CTNND2: variants seen among roughly 807,000 people sequenced by gnomAD.
CTNND2 encodes catenin delta-2.
Under a neutral mutation model 144.4 loss-of-function variants are expected in CTNND2, and 22 were observed. That is an observed-to-expected ratio of 0.15 (90% CI 0.11 to 0.22). The LOEUF (loss-of-function observed/expected upper bound fraction) is 0.22. Among genes scored for constraint, CTNND2 ranks in the 10% least tolerant of loss-of-function variants. The pLI is 1.00. For synonymous variants in CTNND2, 751 were observed against 695.6 expected, an observed-to-expected ratio of 1.08 and a Z score of -1.25; for missense variants, 1,353 against 1,618.8, an observed-to-expected ratio of 0.84 and a Z score of 2.82.
chr5:11,860,233 A>G (rs1275324429), intron 1 of CTNND2, among the ~76,000 whole-genome samples: 1 of 152,170 alleles, frequency 6.6e-6, no homozygotes, highest in Non-Finnish European at 1.5e-5. Flanking sequence ...TAGCACCCAC[A>G]TTTCCCATAC....
intron 1 of CTNND2, among the ~76,000 whole-genome samples, chr5:11,753,222 G>A (rs1788724093): frequency 6.6e-6 from 1 of 151,788 alleles, no homozygotes; most frequent in African/African-American, 2.4e-5. Context: ...TTGAATGGAA[G>A]TGGTGACAGT....
At chr5:11,626,466 T>G (rs943709706) in intron 2 of CTNND2, among the ~76,000 whole-genome samples, 3 of 152,226 alleles carry the variant, frequency 2.0e-5, no homozygotes, top group East Asian at 1.9e-4. Context: ...ACTATCATAT[T>G]AGGAATGTAC....
chr5:11,574,029 G>C (rs1777777653), intron 2 of CTNND2, among the ~76,000 whole-genome samples: 1 of 151,804 alleles, frequency 6.6e-6, no homozygotes, highest in African/African-American at 2.4e-5. Context: ...ATATTATATG[G>C]GTGACTCTAA....
At chr5:11,873,605 C>A (rs1158033082) in intron 1 of CTNND2, among the ~76,000 whole-genome samples, 1 of 152,162 alleles carries the variant, frequency 6.6e-6, no homozygotes, top group Non-Finnish European at 1.5e-5. Context: ...CCGTTCTGAA[C>A]CAATTAAGAA....
rs115364872 is a variant in CTNND2, at chr5:11,038,355, C to G, written c.2789-15376G>C. 7.9e-3 allele frequency among the ~76,000 whole-genome samples: 1,207 copies of G among 152,296 alleles called. 9 individuals carry two copies. The highest frequency in any genetic ancestry group is 0.018 in the South Asian group (88 of 4,822). On this transcript the variant is annotated intron_variant, in intron 16 of 21. Coordinates refer to ENST00000304623, the MANE Select transcript of CTNND2 (RefSeq NM_001332.4). ...TTAGATTCTTACAGGAGTGTGAGCC[C>G]TATTGTGAACAATGCATGTGAAGGA...
chr5:11,540,802 T>C (rs1774661272), intron 3 of CTNND2, among the ~76,000 whole-genome samples: 1 of 152,192 alleles, frequency 6.6e-6, no homozygotes, highest in African/African-American at 2.4e-5. Flanking sequence ...AGTTTTTTCC[T>C]ACTGGTTTAT....
intron 8 of CTNND2, among the ~76,000 whole-genome samples, chr5:11,347,054 T>G (rs773772356): frequency 4.6e-5 from 7 of 152,226 alleles, no homozygotes; most frequent in Admixed American, 1.3e-4. Context: ...ATGAATTCAG[T>G]AATGTAATTA....
At chr5:11,045,640 C>T (rs566630248) in intron 16 of CTNND2, among the ~76,000 whole-genome samples, 14 of 152,302 alleles carry the variant, frequency 9.2e-5, no homozygotes, top group African/African-American at 3.4e-4. Context: ...GTGTCATCTC[C>T]TCTTGTGTCT....
In CTNND2 at chr5:11,570,187, T is replaced by C. The variant is rs528035129; in HGVS notation, c.175-5131A>G. On this transcript the variant is annotated intron_variant, in intron 2 of 21. Transcript: ENST00000304623. Reference sequence around the variant, plus strand: ...CTTCACACAAACATATGAAATAATATGTCAACTACTGAAGAAATCTCTCCT... The same window carrying C: ...CTTCACACAAACATATGAAATAATACGTCAACTACTGAAGAAATCTCTCCT... Among the ~76,000 whole-genome samples, 6 of 152,316 alleles carry C rather than the reference T, an allele frequency of 3.9e-5. No individual in the cohort carries two copies. In the South Asian group the frequency reaches 8.3e-4, roughly 21 times the overall value.
chr5:11,506,951 T>TC (rs1262537039), intron 3 of CTNND2, among the ~76,000 whole-genome samples: 1 of 152,188 alleles, frequency 6.6e-6, no homozygotes, highest in African/African-American at 2.4e-5. Context: ...GTTTTCTACT[T>TC]CCCCCTCAAC....
chr5:11,623,635 A>T (rs1022999491), intron 2 of CTNND2, among the ~76,000 whole-genome samples: 1 of 151,828 alleles, frequency 6.6e-6, no homozygotes, highest in Non-Finnish European at 1.5e-5. Flanking sequence ...AGGATGCAGA[A>T]AAATCTTCAA....
At chr5:11,842,402 T>C (rs916350707) in intron 1 of CTNND2, among the ~76,000 whole-genome samples, 1 of 152,094 alleles carries the variant, frequency 6.6e-6, no homozygotes, top group African/African-American at 2.4e-5. Flanking sequence ...CAAATCTTGG[T>C]AGCAACATAT....
chr5:11,665,268 A>T (rs2126582473), intron 2 of CTNND2, among the ~76,000 whole-genome samples: 1 of 152,280 alleles, frequency 6.6e-6, no homozygotes, highest in Non-Finnish European at 1.5e-5. Context: ...CAGCTCCACT[A>T]CTTACCAGCT....
At chr5:11,244,166 T>C (rs976944583) in intron 9 of CTNND2, among the ~76,000 whole-genome samples, 9 of 152,272 alleles carry the variant, frequency 5.9e-5, no homozygotes, top group Admixed American at 4.6e-4. Context: ...TGGAGATATT[T>C]ACATTCTTGT....
chr5:11,688,253 A>G (rs1784746736), intron 2 of CTNND2, among the ~76,000 whole-genome samples: 2 of 152,142 alleles, frequency 1.3e-5, no homozygotes, highest in Non-Finnish European at 2.9e-5. Flanking sequence ...TGAAACCTCT[A>G]TTATGGCACA....
intron 10 of CTNND2, among the ~76,000 whole-genome samples, chr5:11,229,332 A>G (rs1251474966): frequency 6.6e-6 from 1 of 152,224 alleles, no homozygotes; most frequent in East Asian, 1.9e-4. Context: ...TAAAGTTTTA[A>G]AAAGTTAATT....
chr5:11,849,478 G>T (rs16901936), intron 1 of CTNND2, among the ~76,000 whole-genome samples: 12,474 of 152,120 alleles, frequency 0.082, 1,058 homozygotes, highest in African/African-American at 0.21. Flanking sequence ...ACATTTCCTA[G>T]TACTCCAGGT....
At chr5:11,851,784 G>T (rs187237100) in intron 1 of CTNND2, among the ~76,000 whole-genome samples, 1 of 152,174 alleles carries the variant, frequency 6.6e-6, no homozygotes, top group Non-Finnish European at 1.5e-5. Flanking sequence ...GGTACTGATG[G>T]TAAAAGTAAA....
intron 2 of CTNND2, among the ~76,000 whole-genome samples, chr5:11,713,780 G>C (rs1044524529): frequency 1.3e-5 from 2 of 151,924 alleles, no homozygotes; most frequent in Non-Finnish European, 2.9e-5. Flanking sequence ...AAATTTCTTA[G>C]GGTACAAATT....
Sources: gnomAD v4.1 joint callset for allele counts (sites outside exome capture counted in the v4.1 genomes callset) on GRCh38, gnomAD v4.1.1 for gene constraint, MANE v1.5 for transcripts, NCBI Gene and HGNC (gene_info 2026-07-23, HGNC 2026-07-21) for gene names.